CCZ1: variants seen among roughly 807,000 people sequenced by gnomAD.
The protein encoded by CCZ1 is vacuolar fusion protein CCZ1 homolog.
In CCZ1, 19 loss-of-function variants were observed where a neutral mutation model predicts 57.8. That is an observed-to-expected ratio of 0.33 (90% CI 0.23 to 0.48). The LOEUF (loss-of-function observed/expected upper bound fraction) is 0.48, where lower values mean the gene tolerates loss of function less well. CCZ1 is among the 20% of genes least tolerant of loss of function. The pLI, the probability that CCZ1 is intolerant of heterozygous loss-of-function variation, is 0.99. For missense variants in CCZ1, 200 were observed against 492.0 expected, an observed-to-expected ratio of 0.41 and a Z score of 5.61; for synonymous variants, 81 against 167.0, an observed-to-expected ratio of 0.49 and a Z score of 3.97.
At chr7:5,912,376 CCTTTTTTTTTTTTT>C (rs1562542830) in intron 9 of CCZ1, among the ~76,000 whole-genome samples, 5 of 99,850 alleles carry the variant, frequency 5.0e-5, no homozygotes, top group African/African-American at 2.1e-4. Flanking sequence ...TTCAGCATAC[CCTTTTTTTTTTTTT>C]TTTTTTTTTT....
chr7:5,906,809 G>A lies in CCZ1; in HGVS notation c.698+1540G>A, dbSNP rs1166614832. 2.6e-5 allele frequency among the ~76,000 whole-genome samples: 4 copies of A among 150,982 alleles called. No homozygotes were observed. In the South Asian group the frequency reaches 8.4e-4, roughly 32 times the overall value. On this transcript the variant is annotated intron_variant, in intron 7 of 14. Coordinates refer to ENST00000325974, the MANE Select transcript of CCZ1 (RefSeq NM_015622.6). ...ATCCAGTTAATAAACAACTTGGTGG[G>A]TTTCCACATGAACTTTATCTCCTAG...
chr7:5,916,498 GTTTTTTGTTT>G (rs1275583871), intron 10 of CCZ1, among the ~76,000 whole-genome samples: 2 of 111,014 alleles, frequency 1.8e-5, no homozygotes, highest in East Asian at 3.1e-4. Context: ...TTTTTGTTTT[GTTTTTTGTTT>G]TTTTTTTTTT....
chr7:5,920,925 C>T lies in CCZ1; in HGVS notation c.1106+959C>T, dbSNP rs1445713849. Among the ~76,000 whole-genome samples the T allele has an allele frequency of 3.9e-3, 433 of 111,968 alleles. 1 individual carries two copies. The highest frequency in any genetic ancestry group is 9.9e-3 in the Middle Eastern group (2 of 202). 73.5% of individuals were successfully genotyped at this position (111,968 alleles called of 152,430 possible). The stretch of plus-strand genomic sequence containing the variant: ...GTGAATTTCTGCATACGCTCATGGT[C>T]TTAATGTTCATACGTTGTTTTTTGG... On this transcript the variant is annotated intron_variant, in intron 12 of 14. Coordinates refer to ENST00000325974, the MANE Select transcript of CCZ1 (RefSeq NM_015622.6).
At chr7:5,904,999 A>C (rs1470227445) in intron 6 of CCZ1, 95 bp from the exon 7 acceptor site, 65 of 1,205,596 alleles carry the variant, frequency 5.4e-5, no homozygotes, top group Non-Finnish European at 7.2e-5. Flanking sequence ...TTGTACCATA[A>C]ATGTGAGTCT....
intron 12 of CCZ1, among the ~76,000 whole-genome samples, chr7:5,920,797 T>C (rs28587334): frequency 0.34 from 28,477 of 84,448 alleles, 2,891 homozygotes; most frequent in East Asian, 0.49. Context: ...CAATATAAAA[T>C]AGTTATTATA....
Position 5,905,707 on chromosome 7 carries a change from G to A in CCZ1, c.698+438G>A, listed in dbSNP as rs1292253391. Among the ~76,000 whole-genome samples the A allele has an allele frequency of 3.5e-4, 48 of 137,200 alleles. 3 individuals are homozygous for A. The East Asian group carries it at 0.012, about 33-fold the overall frequency. 90.0% of individuals were successfully genotyped at this position (137,200 alleles called of 152,430 possible). Reference sequence around the variant, plus strand: ...TGAGGCAGGAGAATCACTTGAACCCGGGAGGCGGAGGTTGCAGTGAGCCGA... The same window carrying A: ...TGAGGCAGGAGAATCACTTGAACCCAGGAGGCGGAGGTTGCAGTGAGCCGA... On this transcript the variant is annotated intron_variant, in intron 7 of 14. Coordinates refer to ENST00000325974, the MANE Select transcript of CCZ1 (RefSeq NM_015622.6).
chr7:5,906,679 A>G (rs1781834473), intron 7 of CCZ1, among the ~76,000 whole-genome samples: 1 of 149,346 alleles, frequency 6.7e-6, no homozygotes, highest in Non-Finnish European at 1.5e-5. Flanking sequence ...AGGTAAATTC[A>G]GCTAATAGAA....
chr7:5,920,470 C>CCTTTTTTTTTTTTTTTTTT (rs1168459709), intron 12 of CCZ1, among the ~76,000 whole-genome samples: 1 of 95,960 alleles, frequency 1.0e-5, no homozygotes, highest in African/African-American at 4.2e-5. Context: ...TTCTCCCTGG[C>CCTTTTTTTTTTTTTTTTTT]TTTTTTTTTT....
At chr7:5,899,398 G>A (rs1326830821) in intron 1 of CCZ1, among the ~76,000 whole-genome samples, 1 of 146,444 alleles carries the variant, frequency 6.8e-6, no homozygotes, top group Non-Finnish European at 1.5e-5. Context: ...TTCTGAGGTG[G>A]GGACGGCGAC....
chr7:5,914,328 C>T (rs1779107328), intron 10 of CCZ1, among the ~76,000 whole-genome samples: 1 of 148,424 alleles, frequency 6.7e-6, no homozygotes, highest in Non-Finnish European at 1.5e-5. Flanking sequence ...CCCAGCTACT[C>T]AGGAGGCTGA....
chr7:5,900,105 C>T (rs1283385012), intron 1 of CCZ1, among the ~76,000 whole-genome samples, 179 bp from the exon 2 acceptor site: 2 of 151,246 alleles, frequency 1.3e-5, no homozygotes, highest in African/African-American at 4.9e-5. Flanking sequence ...CTCAAGTGAT[C>T]CTCCCGCCTC....
At chr7:5,921,844 TTTTG>T (rs1478009637) in intron 12 of CCZ1, among the ~76,000 whole-genome samples, 112 of 135,384 alleles carry the variant, frequency 8.3e-4, no homozygotes, top group African/African-American at 2.6e-3. Context: ...GTGTCACCTG[TTTTG>T]TTTTTTTGTG....
In CCZ1 at chr7:5,925,922, T is replaced by G. The variant is rs1427105948; in HGVS notation, c.*235T>G. 1 of 715,894 alleles carries G rather than the reference T, an allele frequency of 1.4e-6. No homozygotes were observed. The highest frequency in any genetic ancestry group is 1.8e-5 in the African/African-American group (1 of 56,294). 44.3% of individuals were successfully genotyped at this position (715,894 alleles called of 1,614,324 possible). On this transcript the variant is annotated 3_prime_UTR_variant, in exon 15 of 15. Transcript: ENST00000325974. The stretch of plus-strand genomic sequence containing the variant: ...CTATCATTTCATTCTTTTGACATTA[T>G]GTGAATATTTTACTGGAAAATAAGA...
At chr7:5,904,488 C>G (rs1479213647) in intron 6 of CCZ1, among the ~76,000 whole-genome samples, 1 of 142,190 alleles carries the variant, frequency 7.0e-6, no homozygotes, top group Non-Finnish European at 1.5e-5. Flanking sequence ...GCCAGAAGTT[C>G]AAGACCAGCC....
In CCZ1 at chr7:5,904,091, T is replaced by TTC. The variant is rs1554281575; in HGVS notation, c.523-1002_523-1001insCT. ...AGAGCATTAAGGCAGGGAGTTAATT[T>TTC]TTTTTTTTTTTTTTTTTTGAGACAG... On this transcript the variant is annotated intron_variant, in intron 6 of 14. Coordinates refer to ENST00000325974, the MANE Select transcript of CCZ1 (RefSeq NM_015622.6). Among the ~76,000 whole-genome samples the TTC allele has an allele frequency of 2.5e-5, 3 of 121,968 alleles. 1 individual carries two copies. The highest frequency in any genetic ancestry group is 9.6e-5 in the African/African-American group (3 of 31,304). 80.0% of individuals were successfully genotyped at this position (121,968 alleles called of 152,430 possible).
At chr7:5,907,242 G>A (rs1318458566) in intron 7 of CCZ1, among the ~76,000 whole-genome samples, 1 of 149,544 alleles carries the variant, frequency 6.7e-6, no homozygotes, top group Non-Finnish European at 1.5e-5. Flanking sequence ...TCTGTGATAT[G>A]TACACAATGT....
Position 5,905,074 on chromosome 7 carries a change from C to A in CCZ1, c.523-20C>A. The A allele has an allele frequency of 6.3e-7, 1 of 1,598,390 alleles. No individual in the cohort carries two copies. Among genetic ancestry groups the A allele is most frequent in the Non-Finnish European group, 8.5e-7 (1 of 1,177,496 alleles). Reference sequence around the variant, plus strand: ...CAGTGTACTATTAGTAAATTTTATGCCTTATTTTTTTTCCCACAGTATTTG... The same window carrying A: ...CAGTGTACTATTAGTAAATTTTATGACTTATTTTTTTTCCCACAGTATTTG... On this transcript the variant is annotated intron_variant, in intron 6 of 14. Coordinates refer to ENST00000325974, the MANE Select transcript of CCZ1 (RefSeq NM_015622.6).
intron 12 of CCZ1, among the ~76,000 whole-genome samples, chr7:5,920,769 G>T (rs1779225559): frequency 8.9e-6 from 1 of 112,904 alleles, no homozygotes; most frequent in Admixed American, 8.6e-5. Context: ...ACCGCACCCG[G>T]CCATGCTTAT....
chr7:5,902,229 T>C (rs2128610485), intron 5 of CCZ1: 1 of 180,354 alleles, frequency 5.5e-6, no homozygotes, highest in East Asian at 1.9e-4. Flanking sequence ...GCCTTGGAGG[T>C]CGAGGCTGCA....
Sources: allele counts gnomAD v4.1 joint callset (sites outside exome capture counted in the v4.1 genomes callset), GRCh38; gene constraint gnomAD v4.1.1; transcripts MANE v1.5; gene names NCBI Gene and HGNC (gene_info 2026-07-23, HGNC 2026-07-21).